MACROD2: variants seen among roughly 807,000 people sequenced by gnomAD.
MACROD2 encodes mono-ADP ribosylhydrolase 2.
A neutral mutation model predicts 70.4 loss-of-function variants in MACROD2; 36 were observed. The observed-to-expected ratio is 0.51, with a 90% CI of 0.39 to 0.68. MACROD2 has a LOEUF of 0.68. Among genes scored for constraint, MACROD2 ranks in the 30% least tolerant of loss-of-function variants. The probability of loss-of-function intolerance (pLI) is 0.00; values close to 1 mark genes in which losing one functional copy is unlikely to be tolerated. For synonymous variants in MACROD2, 172 were observed against 178.8 expected (o/e 0.96, Z 0.30); for missense variants, 496 against 538.4 (o/e 0.92, Z 0.78).
intron 3 of MACROD2, among the ~76,000 whole-genome samples, chr20:14,150,403 G>A (rs944614386): frequency 2.0e-5 from 3 of 152,084 alleles, no homozygotes; most frequent in South Asian, 2.1e-4. Flanking sequence ...ATCTTATCCC[G>A]TAATCAAAGT....
chr20:14,467,240 G>A (rs1442663917), intron 3 of MACROD2, among the ~76,000 whole-genome samples: 1 of 152,084 alleles, frequency 6.6e-6, no homozygotes, highest in Non-Finnish European at 1.5e-5. Flanking sequence ...AATGGCAGGC[G>A]CCCCTCCCCC....
Position 15,869,238 on chromosome 20 carries a change from T to TATATAGAGAGAG in MACROD2, c.727+6413_727+6414insTATAGAGAGAGA. On this transcript the variant is annotated intron_variant, in intron 9 of 17. Coordinates refer to ENST00000684519, the MANE Select transcript of MACROD2 (RefSeq NM_001351661.2). ...ATATATATATATATATATATATATA[T>TATATAGAGAGAG]AGAGAGAGAGAGAGAGAGAGAGAGA... 6.4e-3 allele frequency among the ~76,000 whole-genome samples: 181 copies of TATATAGAGAGAG among 28,270 alleles called. 2 individuals carry two copies. Among genetic ancestry groups the TATATAGAGAGAG allele is most frequent in the Non-Finnish European group, 8.5e-3 (111 of 13,022 alleles). 18.5% of individuals were successfully genotyped at this position (28,270 alleles called of 152,430 possible). A position where few individuals can be genotyped will look rare whatever the true frequency, so the allele number is the denominator to read the frequency against.
At chr20:14,040,241 A>G (rs1473204296) in intron 2 of MACROD2, among the ~76,000 whole-genome samples, 1 of 152,194 alleles carries the variant, frequency 6.6e-6, no homozygotes, top group Non-Finnish European at 1.5e-5. Context: ...GGTTATATAT[A>G]GCATAGCCTA....
chr20:14,620,676 T>C (rs1322347718), intron 4 of MACROD2, among the ~76,000 whole-genome samples: 1 of 152,030 alleles, frequency 6.6e-6, no homozygotes. Context: ...ATATTAATTA[T>C]AGCTGCAGGA....
intron 4 of MACROD2, chr20:14,566,859 TTC>T (rs1276103200): frequency 2.6e-5 from 4 of 151,978 alleles, no homozygotes; most frequent in Non-Finnish European, 5.9e-5. Flanking sequence ...AACATAGGAA[TTC>T]TAATAGTATA....
At chr20:15,270,843 A>G (rs2077340226) in intron 6 of MACROD2, among the ~76,000 whole-genome samples, 1 of 151,910 alleles carries the variant, frequency 6.6e-6, no homozygotes, top group Non-Finnish European at 1.5e-5. Flanking sequence ...ATCCTTCAAA[A>G]CCTTACTCAG....
At chr20:14,566,666 A>G (rs570222893) in intron 4 of MACROD2, 2 of 152,102 alleles carry the variant, frequency 1.3e-5, no homozygotes, top group South Asian at 2.1e-4. Context: ...AATTTTCCTC[A>G]GAGACAGCTG....
intron 4 of MACROD2, among the ~76,000 whole-genome samples, chr20:14,515,707 G>A (rs1014054747): frequency 4.6e-5 from 7 of 151,944 alleles, no homozygotes; most frequent in Admixed American, 2.0e-4. Context: ...GCTGGATGGG[G>A]ATTTGGAGAG....
intron 3 of MACROD2, among the ~76,000 whole-genome samples, chr20:14,181,261 T>C (rs1387823822): frequency 6.6e-6 from 1 of 151,662 alleles, no homozygotes; most frequent in African/African-American, 2.4e-5. Flanking sequence ...TGAAATGGGA[T>C]CTCATTATGT....
At chr20:15,384,597 T>A (rs6034169) in intron 6 of MACROD2, among the ~76,000 whole-genome samples, 51,422 of 152,088 alleles carry the variant, frequency 0.34, 12,572 homozygotes, top group African/African-American at 0.7. Flanking sequence ...TTGCCCATTC[T>A]TGTAACCAAT....
At chr20:14,003,209 T>C (rs2052759828) in intron 2 of MACROD2, among the ~76,000 whole-genome samples, 1 of 152,152 alleles carries the variant, frequency 6.6e-6, no homozygotes, top group Non-Finnish European at 1.5e-5. Flanking sequence ...CCGGGTACTA[T>C]GGGCCCAGAA....
chr20:14,838,922 A>G (rs932955165), intron 5 of MACROD2, among the ~76,000 whole-genome samples: 2 of 152,088 alleles, frequency 1.3e-5, no homozygotes. Context: ...ACATAGAATC[A>G]CATTTTTCAC....
At chr20:15,282,959 A>G (rs565749971) in intron 6 of MACROD2, among the ~76,000 whole-genome samples, 4 of 152,308 alleles carry the variant, frequency 2.6e-5, no homozygotes, top group Non-Finnish European at 4.4e-5. Flanking sequence ...AGGCCTCAGG[A>G]AACTTACAAT....
chr20:15,385,269 A>G (rs188089629), intron 6 of MACROD2, among the ~76,000 whole-genome samples: 36 of 152,312 alleles, frequency 2.4e-4, no homozygotes, highest in African/African-American at 8.7e-4. Flanking sequence ...TTAACCTCAT[A>G]AAGAATGGAA....
At chr20:14,864,382 C>T (rs1368605433) in intron 5 of MACROD2, among the ~76,000 whole-genome samples, 2 of 152,044 alleles carry the variant, frequency 1.3e-5, no homozygotes. Flanking sequence ...CATGCAGTTA[C>T]AAGTCCTATG....
intron 12 of MACROD2, among the ~76,000 whole-genome samples, chr20:15,965,950 A>C (rs988526708): frequency 1.3e-5 from 2 of 152,166 alleles, no homozygotes; most frequent in African/African-American, 4.8e-5. Context: ...AAAACCACAC[A>C]CTTCGGGTAT....
In MACROD2 at chr20:14,457,182, G is replaced by T. The variant is rs1330630193; in HGVS notation, c.272-36297G>T. ...CCTACTTCTAATTCAGGGTAGTGTT[G>T]TGAATGGTTGCAGTTGTGAGAGGAT... On this transcript the variant is annotated intron_variant, in intron 3 of 17. Transcript: ENST00000684519. 2.0e-5 allele frequency among the ~76,000 whole-genome samples: 3 copies of T among 152,090 alleles called. No individual in the cohort carries two copies. In the East Asian group the frequency reaches 5.8e-4, roughly 29 times the overall value.
intron 3 of MACROD2, among the ~76,000 whole-genome samples, chr20:14,283,228 G>A (rs1317521485): frequency 6.6e-6 from 1 of 152,166 alleles, no homozygotes; most frequent in African/African-American, 2.4e-5. Context: ...GGATGCTTTT[G>A]TTTGAATTAT....
At chr20:14,775,813 AT>A (rs1434936167) in intron 5 of MACROD2, among the ~76,000 whole-genome samples, 2 of 152,076 alleles carry the variant, frequency 1.3e-5, no homozygotes, top group African/African-American at 4.8e-5. Context: ...ATTATAAAAA[AT>A]TTTATATGGA....
Sources: gnomAD v4.1 joint callset for allele counts (sites outside exome capture counted in the v4.1 genomes callset) on GRCh38, gnomAD v4.1.1 for gene constraint, MANE v1.5 for transcripts, NCBI Gene and HGNC (gene_info 2026-07-23, HGNC 2026-07-21) for gene names.